Variants in QPCT observed in about 807,000 individuals in gnomAD.
QPCT encodes the protein EC.
Under a neutral mutation model 43.4 loss-of-function variants are expected in QPCT, and 44 were observed. The observed-to-expected ratio is 1.01, with a 90% confidence interval of 0.80 to 1.30. The LOEUF is 1.30. QPCT is among the 50% of genes most tolerant of loss of function. The probability of loss-of-function intolerance (pLI) is 0.00; values close to 1 mark genes in which losing one functional copy is unlikely to be tolerated. For missense variants in QPCT, 526 were observed against 436.5 expected, an observed-to-expected ratio of 1.21 and a Z score of -1.83; for synonymous variants, 168 against 168.4, an observed-to-expected ratio of 1.00 and a Z score of 0.02.
chr2:37,344,886 G>A (rs1208415898), intron 1 of QPCT, 35 bp downstream of exon 1: 2 of 1,523,772 alleles, frequency 1.3e-6, no homozygotes, highest in Non-Finnish European at 1.8e-6. Flanking sequence ...GTACTTGAGC[G>A]GCTCTGGTCC....
chr2:37,367,854 G>A (rs369357158), intron 4 of QPCT, among the ~76,000 whole-genome samples: 18 of 152,252 alleles, frequency 1.2e-4, no homozygotes, highest in African/African-American at 4.3e-4. Flanking sequence ...GGGTGACAGA[G>A]GGAGACTCTG....
chr2:37,371,353 C>T (rs1673068687), intron 5 of QPCT, among the ~76,000 whole-genome samples: 1 of 142,620 alleles, frequency 7.0e-6, no homozygotes, highest in South Asian at 2.2e-4. Flanking sequence ...CAAACCATAT[C>T]TCTAGTTGTA....
At chr2:37,367,195 T>C (rs754508512) in intron 3 of QPCT, 37 bp from the exon 4 acceptor site, 57 of 1,563,718 alleles carry the variant, frequency 3.6e-5, no homozygotes, top group Non-Finnish European at 3.3e-5. Flanking sequence ...ATCATCACAG[T>C]ATTTTTTTGC....
chr2:37,347,231 C>CATATATATATAACACATATATAT (rs764663825), intron 1 of QPCT, among the ~76,000 whole-genome samples: 1 of 55,636 alleles, frequency 1.8e-5, no homozygotes, highest in Admixed American at 2.6e-4. Context: ...ATATATATAA[C>CATATATATATAACACATATATAT]ATATATATAT....
intron 1 of QPCT, among the ~76,000 whole-genome samples, chr2:37,346,133 A>T (rs1479460213): frequency 6.6e-6 from 1 of 151,664 alleles, no homozygotes; most frequent in Non-Finnish European, 1.5e-5. Context: ...ACCCAGCTAC[A>T]TGCATATATA....
At chr2:37,348,326 C>T (rs1000614052) in intron 1 of QPCT, among the ~76,000 whole-genome samples, 2 of 152,142 alleles carry the variant, frequency 1.3e-5, no homozygotes, top group Non-Finnish European at 2.9e-5. Context: ...TTAAAGCCCG[C>T]ACGGCTCTGC....
intron 1 of QPCT, among the ~76,000 whole-genome samples, chr2:37,350,921 C>T (rs1672606093): frequency 6.6e-6 from 1 of 152,162 alleles, no homozygotes; most frequent in African/African-American, 2.4e-5. Flanking sequence ...GGAAATTGAG[C>T]CTTAATGAGG....
intron 3 of QPCT, 79 bp from the exon 4 acceptor site, chr2:37,367,153 T>A: frequency 1.4e-6 from 2 of 1,429,928 alleles, no homozygotes; most frequent in East Asian, 2.3e-5. Flanking sequence ...TCTATCTTTT[T>A]GCCCAATTAA....
At chr2:37,346,178 G>A (rs994264576) in intron 1 of QPCT, among the ~76,000 whole-genome samples, 2 of 152,202 alleles carry the variant, frequency 1.3e-5, no homozygotes, top group Admixed American at 6.5e-5. Flanking sequence ...CGGATCTAAT[G>A]TAATCACCAC....
Position 37,372,417 on chromosome 2 carries a change from G to C in QPCT, c.885G>C (p.Gln295His). The change falls in exon 6 of 7, where the codon CAG (glutamine) becomes CAC (histidine). Residue 295 changes from glutamine to histidine, a missense_variant. Transcript: ENST00000338415. ...KDHSLEGRYF[Q>H]NYSYGGVIQD... ...ACTCTTTGGAGGGGCGGTATTTCCA[G>C]AATTACAGTTATGGAGGTGTGATTC... is the stretch of plus-strand genomic sequence containing the variant. The C allele has an allele frequency of 6.2e-7, 1 of 1,614,086 alleles. No homozygotes were observed. Among genetic ancestry groups the C allele is most frequent in the Non-Finnish European group, 8.5e-7 (1 of 1,179,988 alleles).
At chr2:37,372,328 T>G in intron 5 of QPCT, 28 bp from the exon 6 acceptor site, 2 of 1,451,956 alleles carry the variant, frequency 1.4e-6, no homozygotes, top group Non-Finnish European at 9.7e-7. Context: ...AAATAGTTGT[T>G]CATTTACTGT....
rs781496429 is a variant in QPCT at position 37,352,850 on chromosome 2, G to A, written c.182G>A (p.Ser61Asn). ...SALRQIAEGT[S>N]ISEMWQNDLQ... ...CTTCGGCAAATTGCAGAAGGCACCA[G>A]TATCTCTGAAATGTGGCAAAATGAC... is the stretch of plus-strand genomic sequence containing the variant. The change falls in exon 2 of 7, where the codon AGT becomes AAT. Residue 61 changes from serine to asparagine, a missense_variant. Coordinates refer to ENST00000338415, the MANE Select transcript of QPCT (RefSeq NM_012413.4). 3.3e-5 allele frequency: 53 copies of A among 1,614,090 alleles called. No individual in the cohort carries two copies. Among genetic ancestry groups the A allele is most frequent in the Non-Finnish European group, 4.3e-5 (51 of 1,180,040 alleles).
chr2:37,354,425 T>G (rs995434140), intron 2 of QPCT, among the ~76,000 whole-genome samples: 1 of 152,224 alleles, frequency 6.6e-6, no homozygotes, highest in African/African-American at 2.4e-5. Context: ...ATAGATCATC[T>G]CATTCAGCCT....
chr2:37,357,397 T>TCTATTCAAA (rs1458664123), intron 2 of QPCT, among the ~76,000 whole-genome samples: 1 of 152,068 alleles, frequency 6.6e-6, no homozygotes, highest in African/African-American at 2.4e-5. Flanking sequence ...GTGATTTCTC[T>TCTATTCAAA]CTATTCAAAC....
chr2:37,363,459 C>CA (rs760030748), intron 3 of QPCT, among the ~76,000 whole-genome samples: 4,781 of 47,710 alleles, frequency 0.1, 414 homozygotes, highest in African/African-American at 0.22. Context: ...TCCCTCTCTA[C>CA]AAAAAAAAAA....
intron 1 of QPCT, among the ~76,000 whole-genome samples, chr2:37,346,626 C>T (rs1672494436): frequency 6.6e-6 from 1 of 152,100 alleles, no homozygotes; most frequent in African/African-American, 2.4e-5. Flanking sequence ...GCATGAATCC[C>T]TTTTATATTT....
At chr2:37,353,027 T>C (rs1024537984) in intron 2 of QPCT, 92 bp downstream of exon 2, 9 of 1,405,314 alleles carry the variant, frequency 6.4e-6, no homozygotes, top group Non-Finnish European at 8.6e-6. Context: ...AGGTGTCTAA[T>C]ATTCAGATCT....
chr2:37,361,700 T>TGA (rs1476163321), intron 3 of QPCT, among the ~76,000 whole-genome samples: 18 of 152,220 alleles, frequency 1.2e-4, no homozygotes, highest in Admixed American at 3.3e-4. Context: ...AGCTGCTCCC[T>TGA]AGCTGACCAG....
chr2:37,345,544 G>A (rs6708524), intron 1 of QPCT, among the ~76,000 whole-genome samples: 96,484 of 152,124 alleles, frequency 0.63, 31,608 homozygotes, highest in East Asian at 0.91. Flanking sequence ...TGTAAGAAGT[G>A]TATGGGTTCG....
Sources: allele counts gnomAD v4.1 joint callset (sites outside exome capture counted in the v4.1 genomes callset), GRCh38; gene constraint gnomAD v4.1.1; transcripts MANE v1.5; gene names NCBI Gene and HGNC (gene_info 2026-07-23, HGNC 2026-07-21).